Variants in SLC12A7 observed in about 807,000 individuals in gnomAD.
SLC12A7 encodes K-Cl cotransporter 4.
Under a neutral mutation model 120.6 loss-of-function variants are expected in SLC12A7, and 100 were observed. That is an observed-to-expected ratio of 0.83 (90% CI 0.71 to 0.98). SLC12A7 has a LOEUF of 0.98. Among genes scored for constraint, SLC12A7 ranks in the 50% least tolerant of loss-of-function variants. The pLI is 0.00. For synonymous variants in SLC12A7, 760 were observed against 678.0 expected (o/e 1.12, Z -1.88); for missense variants, 1,373 against 1,548.1 (o/e 0.89, Z 1.90).
intron 5 of SLC12A7, 50 bp from the exon 6 acceptor site, chr5:1,087,083 G>C (rs1471153251): frequency 6.4e-7 from 1 of 1,560,518 alleles, no homozygotes. Flanking sequence ...CTTGGACTCG[G>C]ACCCGAGGTG....
the SLC12A7 span, among the ~76,000 whole-genome samples, chr5:1,136,479 A>G: frequency 7.9e-6 from 1 of 126,362 alleles, no homozygotes; most frequent in Non-Finnish European, 1.6e-5. Context: ...CTCAGACACC[A>G]ACACCAGGAC....
intron 15 of SLC12A7, 150 bp downstream of exon 15, chr5:1,075,221 G>T: frequency 1.8e-6 from 2 of 1,141,334 alleles, no homozygotes; most frequent in Non-Finnish European, 1.2e-6. Flanking sequence ...TCACAACACA[G>T]CCCACCTGGA....
chr5:1,062,219 G>T (rs956381803), intron 20 of SLC12A7, among the ~76,000 whole-genome samples: 1 of 152,200 alleles, frequency 6.6e-6, no homozygotes, highest in Admixed American at 6.5e-5. Flanking sequence ...TTTCCTCTGG[G>T]CCCCAGTGGC....
intron 21 of SLC12A7, among the ~76,000 whole-genome samples, chr5:1,059,204 C>T (rs1167638737): frequency 3.3e-5 from 5 of 152,214 alleles, no homozygotes; most frequent in Admixed American, 6.5e-5. Flanking sequence ...ACAAGCTGGG[C>T]GGCCCCCCGT....
At chr5:1,155,623 G>T in the SLC12A7 span, among the ~76,000 whole-genome samples, 2 of 151,300 alleles carry the variant, frequency 1.3e-5, no homozygotes, top group African/African-American at 2.4e-5. Flanking sequence ...CCGCCAGGCC[G>T]CCGCCGCCCA....
intron 22 of SLC12A7, among the ~76,000 whole-genome samples, chr5:1,055,006 G>A (rs560071202): frequency 4.6e-5 from 7 of 152,290 alleles, no homozygotes; most frequent in Admixed American, 6.5e-5. Context: ...AGTGGGCAGC[G>A]TGTCCACAGC....
intron 20 of SLC12A7, among the ~76,000 whole-genome samples, 182 bp downstream of exon 20, chr5:1,063,636 CTGATCTCCCCCTCCACCCCCACCTCA>C: frequency 7.1e-6 from 1 of 140,946 alleles, no homozygotes; most frequent in African/African-American, 3.0e-5. Flanking sequence ...CCTCCACCTC[CTGATCTCCCCCTCCACCCCCACCTCA>C]CGAGGCCACA....
intron 6 of SLC12A7, among the ~76,000 whole-genome samples, chr5:1,086,625 G>A (rs982809663): frequency 2.0e-5 from 3 of 152,210 alleles, no homozygotes; most frequent in Admixed American, 1.3e-4. Flanking sequence ...GCACCTACGC[G>A]GGGCTCAGAT....
At chr5:1,147,443 G>A in the SLC12A7 span, among the ~76,000 whole-genome samples, 4 of 150,470 alleles carry the variant, frequency 2.7e-5, no homozygotes, top group African/African-American at 4.9e-5. Flanking sequence ...GGAGAGACCC[G>A]CCAGGAGTCC....
upstream of SLC12A7, among the ~76,000 whole-genome samples, chr5:1,116,838 C>T (rs1331330230): frequency 2.0e-5 from 3 of 152,156 alleles, no homozygotes; most frequent in African/African-American, 4.8e-5. Flanking sequence ...ACTTCTTTCC[C>T]GTGAAGCTTG....
rs1738227939 is a variant in SLC12A7 at position 1,075,475 on chromosome 5, C to A, written c.1863G>T (p.Leu621=). ...FKFYHWTLSF[L]GMSLCLALMF... is the part of the protein sequence containing the mutation. ...TCAGCGCCAGGCACAGGCTCATACCCAGAAAGGACAGGGTCCTGGGGGCGG... is the reference window on the plus strand; with the variant it reads ...TCAGCGCCAGGCACAGGCTCATACCAAGAAAGGACAGGGTCCTGGGGGCGG... The change falls in exon 15 of 24, where the codon CTG becomes CTT. Residue 621 remains leucine, a synonymous_variant. Coordinates refer to ENST00000264930, the MANE Select transcript of SLC12A7 (RefSeq NM_006598.3). 6.2e-7 allele frequency: 1 copy of A among 1,611,650 alleles called. No individual in the cohort carries two copies. The highest frequency in any genetic ancestry group is 8.5e-7 in the Non-Finnish European group (1 of 1,178,978).
At chr5:1,055,358 C>T (rs755176012) in intron 22 of SLC12A7, among the ~76,000 whole-genome samples, 1 of 152,240 alleles carries the variant, frequency 6.6e-6, no homozygotes, top group Non-Finnish European at 1.5e-5. Flanking sequence ...CCGGCAGGTG[C>T]GCTGACAGGT....
At chr5:1,144,296 C>T in the SLC12A7 span, among the ~76,000 whole-genome samples, 2 of 152,220 alleles carry the variant, frequency 1.3e-5, no homozygotes, top group Non-Finnish European at 2.9e-5. Context: ...CAGGGGCCCA[C>T]GTCCCGGGCT....
the SLC12A7 span, among the ~76,000 whole-genome samples, chr5:1,120,902 G>A: frequency 9.2e-5 from 14 of 152,322 alleles, no homozygotes; most frequent in Non-Finnish European, 1.6e-4. Flanking sequence ...GAACGGCCAC[G>A]CTTCGACGCG....
At chr5:1,053,236 TGAA>T in intron 23 of SLC12A7, 110 bp downstream of exon 23, 2 of 1,367,174 alleles carry the variant, frequency 1.5e-6, no homozygotes, top group Non-Finnish European at 1.0e-6. Flanking sequence ...AGCCTGGGGC[TGAA>T]GGAGAGGCGG....
At position 1,088,291 on chromosome 5, in the gene SLC12A7, G is replaced by T. The variant is rs1305458047; in HGVS notation, c.544+15C>A. ...CTAACAGGACTCAGGGCCGCGGCTGGCGGGCACCCCTTACCTGGGACCACA... is the reference window on the plus strand; with the variant it reads ...CTAACAGGACTCAGGGCCGCGGCTGTCGGGCACCCCTTACCTGGGACCACA... On this transcript the variant is annotated intron_variant, in intron 5 of 23. Transcript: ENST00000264930. The T allele has an allele frequency of 1.2e-5, 19 of 1,580,098 alleles. No homozygotes were observed. Among genetic ancestry groups the T allele is most frequent in the Non-Finnish European group, 1.5e-5 (18 of 1,163,336 alleles).
Position 1,089,007 on chromosome 5 carries a change from AG to A in SLC12A7, c.463del (p.Leu155SerfsTer12). The A allele has an allele frequency of 6.2e-7, 1 of 1,612,962 alleles. No individual in the cohort carries two copies. ...ACATGTGCAGCACATGGCCACGATGAGGAAGGACTCCAGGACACCAGCCACC... is the reference window on the plus strand; with the variant it reads ...ACATGTGCAGCACATGGCCACGATGAGAAGGACTCCAGGACACCAGCCACC... ...VGVAGVLESF[L>X]IVAMCCTCTM... On this transcript the variant is annotated frameshift_variant, in exon 4 of 24. Coordinates refer to ENST00000264930, the MANE Select transcript of SLC12A7 (RefSeq NM_006598.3). LOFTEE classifies it high-confidence loss of function.
intron 21 of SLC12A7, among the ~76,000 whole-genome samples, chr5:1,058,069 G>C (rs973465033): frequency 5.3e-5 from 8 of 152,224 alleles, no homozygotes; most frequent in African/African-American, 1.7e-4. Flanking sequence ...CAGCATCCAG[G>C]CCCTGTCCCC....
chr5:1,105,078 G>A (rs953933895), intron 1 of SLC12A7, among the ~76,000 whole-genome samples: 1 of 151,194 alleles, frequency 6.6e-6, no homozygotes, highest in Non-Finnish European at 1.5e-5. Flanking sequence ...CCTCCCCGCA[G>A]GGATGAGGTC....
Sources: gnomAD v4.1 joint callset for allele counts (sites outside exome capture counted in the v4.1 genomes callset) on GRCh38, gnomAD v4.1.1 for gene constraint, MANE v1.5 for transcripts, NCBI Gene and HGNC (gene_info 2026-07-23, HGNC 2026-07-21) for gene names.